RSRC1: variants seen among roughly 807,000 people sequenced by gnomAD.
RSRC1 encodes the protein serine/Arginine-related protein 53.
RSRC1 carries 39 observed loss-of-function variants against 49.1 expected under a neutral mutation model. That is an observed-to-expected ratio of 0.79 (90% confidence interval 0.61 to 1.04). The LOEUF is 1.04. RSRC1 is among the 50% of genes least tolerant of loss of function. The probability of loss-of-function intolerance (pLI) is 0.00; values close to 1 mark genes in which losing one functional copy is unlikely to be tolerated. For missense variants in RSRC1, 388 were observed against 402.4 expected (o/e 0.96, Z 0.31); for synonymous variants, 143 against 130.8 (o/e 1.09, Z -0.63).
intron 7 of RSRC1, among the ~76,000 whole-genome samples, chr3:158,474,961 C>A (rs1269215020): frequency 6.6e-6 from 1 of 152,134 alleles, no homozygotes; most frequent in Non-Finnish European, 1.5e-5. Flanking sequence ...AGTTGCCCAG[C>A]TGAAATATGG....
At chr3:158,470,361 C>CATATATATATATAT (rs59508977) in intron 7 of RSRC1, among the ~76,000 whole-genome samples, 1 of 100,310 alleles carries the variant, frequency 1.0e-5, no homozygotes, top group African/African-American at 3.3e-5. Flanking sequence ...CACACACACA[C>CATATATATATATAT]ATATATATAT....
chr3:158,411,768 A>C (rs569054847), intron 6 of RSRC1, among the ~76,000 whole-genome samples: 1 of 152,036 alleles, frequency 6.6e-6, no homozygotes, highest in Non-Finnish European at 1.5e-5. Context: ...TATTTTATGA[A>C]GTATCTACTT....
chr3:158,186,092 T>TTTAA (rs1237478145), intron 3 of RSRC1, among the ~76,000 whole-genome samples: 1 of 151,952 alleles, frequency 6.6e-6, no homozygotes, highest in Non-Finnish European at 1.5e-5. Flanking sequence ...AGGACTTAAA[T>TTTAA]CACTTTAGCA....
intron 6 of RSRC1, among the ~76,000 whole-genome samples, chr3:158,440,012 T>G (rs751350624): frequency 2.7e-5 from 4 of 150,596 alleles, no homozygotes; most frequent in Non-Finnish European, 5.9e-5. Context: ...AAATACCTAA[T>G]GCATGCGGTG....
chr3:158,391,219 T>C (rs1733269968), intron 6 of RSRC1, among the ~76,000 whole-genome samples: 1 of 152,198 alleles, frequency 6.6e-6, no homozygotes, highest in African/African-American at 2.4e-5. Flanking sequence ...TTTCTTTGTA[T>C]TTTTTAAGCA....
chr3:158,383,231 G>C (rs1208632239), intron 6 of RSRC1, among the ~76,000 whole-genome samples: 4 of 152,090 alleles, frequency 2.6e-5, no homozygotes, highest in African/African-American at 9.7e-5. Flanking sequence ...ATTATACTCT[G>C]GGTCATCAAG....
intron 7 of RSRC1, among the ~76,000 whole-genome samples, chr3:158,476,768 C>A (rs1299239302): frequency 6.6e-6 from 1 of 152,152 alleles, no homozygotes; most frequent in Non-Finnish European, 1.5e-5. Context: ...GAACTAATTT[C>A]AACTTTTCAA....
At chr3:158,432,905 A>G (rs1054290821) in intron 6 of RSRC1, among the ~76,000 whole-genome samples, 2 of 151,950 alleles carry the variant, frequency 1.3e-5, no homozygotes, top group East Asian at 1.9e-4. Context: ...TATATATACT[A>G]TAGTTACTTA....
At chr3:158,330,478 T>C (rs1729480775) in intron 5 of RSRC1, among the ~76,000 whole-genome samples, 1 of 152,188 alleles carries the variant, frequency 6.6e-6, no homozygotes, top group African/African-American at 2.4e-5. Flanking sequence ...TCTTAATATA[T>C]AGTACCCTAC....
At chr3:158,298,824 T>A (rs1203803689) in intron 5 of RSRC1, among the ~76,000 whole-genome samples, 3 of 152,204 alleles carry the variant, frequency 2.0e-5, no homozygotes, top group Admixed American at 1.3e-4. Context: ...CTTTTGTAAA[T>A]ACAGTCTAAG....
chr3:158,280,245 G>A (rs1463158354), intron 4 of RSRC1, among the ~76,000 whole-genome samples: 5 of 152,086 alleles, frequency 3.3e-5, no homozygotes. Flanking sequence ...TGTAGCGAGC[G>A]AGCATGACAG....
chr3:158,397,783 A>T (rs1333159431), intron 6 of RSRC1, among the ~76,000 whole-genome samples: 1 of 151,984 alleles, frequency 6.6e-6, no homozygotes, highest in Non-Finnish European at 1.5e-5. Flanking sequence ...TCCCTATCAT[A>T]CCCCTCTCTC....
chr3:158,156,279 A>G (rs1432857974), intron 3 of RSRC1, among the ~76,000 whole-genome samples: 1 of 152,040 alleles, frequency 6.6e-6, no homozygotes, highest in Non-Finnish European at 1.5e-5. Context: ...CACCTCTTTT[A>G]GCTTTTATAG....
At chr3:158,362,803 A>G (rs1731549154) in intron 6 of RSRC1, among the ~76,000 whole-genome samples, 1 of 152,202 alleles carries the variant, frequency 6.6e-6, no homozygotes, top group South Asian at 2.1e-4. Flanking sequence ...ATCTTATCCC[A>G]AATGTGTCCA....
At chr3:158,167,451 A>G (rs1718603373) in intron 3 of RSRC1, among the ~76,000 whole-genome samples, 1 of 152,182 alleles carries the variant, frequency 6.6e-6, no homozygotes. Context: ...TTGGCCTTCC[A>G]AAGGGCTGGG....
At chr3:158,202,572 A>ATG (rs1457492615) in intron 3 of RSRC1, among the ~76,000 whole-genome samples, 52 of 140,656 alleles carry the variant, frequency 3.7e-4, no homozygotes, top group African/African-American at 1.3e-3. Context: ...TTATATATAT[A>ATG]TATATATATG....
chr3:158,194,250 G>A (rs1268552418), intron 3 of RSRC1, among the ~76,000 whole-genome samples: 1 of 151,580 alleles, frequency 6.6e-6, no homozygotes, highest in East Asian at 1.9e-4. Flanking sequence ...CTCCAGCCTG[G>A]CTGACAGAGT....
intron 4 of RSRC1, among the ~76,000 whole-genome samples, chr3:158,262,700 A>G (rs1268113802): frequency 2.0e-5 from 3 of 152,100 alleles, no homozygotes; most frequent in Admixed American, 1.3e-4. Flanking sequence ...GTAACAAGGT[A>G]TATGTCTTTA....
chr3:158,386,338 CAACTTATCAATTTAA>C (rs1379153314), intron 6 of RSRC1, among the ~76,000 whole-genome samples: 2 of 151,898 alleles, frequency 1.3e-5, no homozygotes, highest in Non-Finnish European at 2.9e-5. Flanking sequence ...ACTTGAAGTT[CAACTTATCAATTTAA>C]AATATTTATT....
Sources: gnomAD v4.1 joint callset for allele counts (sites outside exome capture counted in the v4.1 genomes callset) on GRCh38, gnomAD v4.1.1 for gene constraint, MANE v1.5 for transcripts, NCBI Gene and HGNC (gene_info 2026-07-23, HGNC 2026-07-21) for gene names.